Variants in TPTE2 observed in about 807,000 individuals in gnomAD.
The protein encoded by TPTE2 is phosphatidylinositol 3,4,5-trisphosphate 3-phosphatase TPTE2.
Under a neutral mutation model 78.6 loss-of-function variants are expected in TPTE2, and 53 were observed. The observed-to-expected ratio is 0.67, with a 90% CI of 0.54 to 0.85. TPTE2 has a LOEUF of 0.85. TPTE2 is among the 40% of genes least tolerant of loss of function. The pLI is 0.00. For synonymous variants in TPTE2, 175 were observed against 206.2 expected (o/e 0.85, Z 1.30); for missense variants, 461 against 623.0 (o/e 0.74, Z 2.77).
upstream of TPTE2, among the ~76,000 whole-genome samples, chr13:19,503,902 G>A (rs1323948793): frequency 2.0e-5 from 3 of 152,000 alleles, no homozygotes; most frequent in African/African-American, 2.4e-5. Context: ...CACCACGCCC[G>A]GCTAATTTTT....
At chr13:19,557,213 G>A in the TPTE2 span, among the ~76,000 whole-genome samples, 99,104 of 152,098 alleles carry the variant, frequency 0.65, 34,816 homozygotes, top group East Asian at 0.89. Context: ...CTCTGGATTC[G>A]GTAATTGGTA....
intron 1 of TPTE2, among the ~76,000 whole-genome samples, chr13:19,529,691 C>A (rs1379771687): frequency 6.6e-6 from 1 of 152,144 alleles, no homozygotes; most frequent in Non-Finnish European, 1.5e-5. Context: ...GTACTCAGAG[C>A]CAGAGTTCAG....
intron 10 of TPTE2, among the ~76,000 whole-genome samples, chr13:19,458,177 G>A (rs2137547129): frequency 6.6e-6 from 1 of 152,242 alleles, no homozygotes; most frequent in East Asian, 1.9e-4. Flanking sequence ...AGTAAACAGT[G>A]ATAGCATTCA....
intron 7 of TPTE2, 68 bp from the exon 11 acceptor site, chr13:19,465,632 A>G: frequency 7.5e-7 from 1 of 1,324,770 alleles, no homozygotes; most frequent in Non-Finnish European, 1.0e-6. Context: ...AACTATGTCT[A>G]GAGCAGCAGT....
chr13:19,552,037 A>G, the TPTE2 span, among the ~76,000 whole-genome samples: 1 of 152,236 alleles, frequency 6.6e-6, no homozygotes, highest in Admixed American at 6.5e-5. Flanking sequence ...TACCCAGTGA[A>G]GTAGATGATA....
chr13:19,493,554 T>C (rs771368424), intron 1 of TPTE2, 53 bp from the exon 5 acceptor site: 9 of 1,572,990 alleles, frequency 5.7e-6, no homozygotes, highest in Non-Finnish European at 7.9e-6. Context: ...TCTGAATTTA[T>C]ATTTTGGAAA....
intron 1 of TPTE2, among the ~76,000 whole-genome samples, chr13:19,510,457 C>A (rs1869360116): frequency 6.8e-6 from 1 of 146,386 alleles, no homozygotes; most frequent in South Asian, 2.1e-4. Context: ...TTTAAACCAA[C>A]AGCTCTTGCA....
intron 3 of TPTE2, among the ~76,000 whole-genome samples, chr13:19,483,521 C>T (rs538899102): frequency 2.0e-4 from 31 of 151,958 alleles, no homozygotes; most frequent in Non-Finnish European, 4.4e-4. Context: ...TCTGATTTTA[C>T]TTATTTGGTT....
chr13:19,482,437 G>C, intron 4 of TPTE2, 51 bp downstream of exon 7: 1 of 1,593,882 alleles, frequency 6.3e-7, no homozygotes, highest in East Asian at 2.3e-5. Flanking sequence ...TTTCACTAAA[G>C]GTAAGAGATC....
intron 10 of TPTE2, among the ~76,000 whole-genome samples, chr13:19,454,795 C>A (rs1878438343): frequency 6.6e-6 from 1 of 152,108 alleles, no homozygotes; most frequent in African/African-American, 2.4e-5. Flanking sequence ...TTTAAAAACA[C>A]CCCAGCTAAT....
chr13:19,485,731 T>A (rs1880628157), intron 3 of TPTE2, among the ~76,000 whole-genome samples: 1 of 152,134 alleles, frequency 6.6e-6, no homozygotes, highest in African/African-American at 2.4e-5. Context: ...TTTTTTATCC[T>A]TTTTTGCCTG....
chr13:19,436,199 A>T (rs551237897), intron 15 of TPTE2, 27 bp downstream of exon 18: 1 of 1,585,488 alleles, frequency 6.3e-7, no homozygotes, highest in East Asian at 2.2e-5. Flanking sequence ...CCCTAAAAAA[A>T]CTCCCATTTT....
chr13:19,457,705 T>G (rs1352602660), intron 10 of TPTE2, among the ~76,000 whole-genome samples: 6 of 152,260 alleles, frequency 3.9e-5, no homozygotes, highest in Non-Finnish European at 7.3e-5. Flanking sequence ...TGTAATCTTG[T>G]TCCTTTTTAT....
intron 3 of TPTE2, among the ~76,000 whole-genome samples, chr13:19,487,753 G>C (rs914984946): frequency 6.6e-6 from 1 of 152,152 alleles, no homozygotes; most frequent in Non-Finnish European, 1.5e-5. Flanking sequence ...CCCCAGAGGA[G>C]GGCACACTCA....
intron 7 of TPTE2, among the ~76,000 whole-genome samples, chr13:19,466,904 A>T (rs1192096481): frequency 2.0e-5 from 3 of 152,234 alleles, no homozygotes; most frequent in Non-Finnish European, 4.4e-5. Flanking sequence ...AGGCCAAAAA[A>T]TGATACAAAT....
rs976878137 is a variant in TPTE2 at position 19,433,270 on chromosome 13, G to A, written c.1117-692C>T. On this transcript the variant is annotated intron_variant, in intron 15 of 19. Transcript: ENST00000400230. ...TGTAATCCCAGCACTTTGGGAGGCC[G>A]AGGTGGGCAGATCACTGGGCGTCAG... is the stretch of plus-strand genomic sequence containing the variant. Among the ~76,000 whole-genome samples, 3 of 152,210 alleles carry A rather than the reference G, an allele frequency of 2.0e-5. No individual in the cohort carries two copies. In the South Asian group the frequency reaches 6.2e-4, roughly 32 times the overall value.
intron 13 of TPTE2, among the ~76,000 whole-genome samples, chr13:19,449,644 T>A (rs1878052480): frequency 6.6e-6 from 1 of 152,232 alleles, no homozygotes; most frequent in South Asian, 2.1e-4. Context: ...ACAATGTTTA[T>A]GTATATCAAA....
At chr13:19,525,280 C>T (rs1370145627) in intron 1 of TPTE2, among the ~76,000 whole-genome samples, 2 of 152,186 alleles carry the variant, frequency 1.3e-5, no homozygotes, top group African/African-American at 2.4e-5. Flanking sequence ...AGATGCCACA[C>T]TACCTGACTT....
chr13:19,479,002 C>A (rs553404190), intron 4 of TPTE2, among the ~76,000 whole-genome samples: 1 of 151,956 alleles, frequency 6.6e-6, no homozygotes, highest in Non-Finnish European at 1.5e-5. Flanking sequence ...CACACCGGGG[C>A]CTGTCATGGG....
Sources: allele counts gnomAD v4.1 joint callset (sites outside exome capture counted in the v4.1 genomes callset), GRCh38; gene constraint gnomAD v4.1.1; transcripts MANE v1.5; gene names NCBI Gene and HGNC (gene_info 2026-07-23, HGNC 2026-07-21).